FGD6: variants seen among roughly 807,000 people sequenced by gnomAD.
FGD6 encodes the protein FYVE, RhoGEF and PH domain-containing protein 6.
A neutral mutation model predicts 149.4 loss-of-function variants in FGD6; 90 were observed. The observed-to-expected ratio is 0.60, with a 90% CI of 0.51 to 0.72. FGD6 has a LOEUF of 0.72. FGD6 is among the 30% of genes least tolerant of loss of function. The pLI is 0.00. For missense variants in FGD6, 1,437 were observed against 1,684.8 expected (o/e 0.85, Z 2.57); for synonymous variants, 527 against 584.0 (o/e 0.90, Z 1.41).
At chr12:95,101,027 T>C in intron 14 of FGD6, 1 of 313,764 alleles carries the variant, frequency 3.2e-6, no homozygotes, top group Non-Finnish European at 6.2e-6. Context: ...CCACCTTGAT[T>C]GATAAGAAGA....
intron 8 of FGD6, chr12:95,125,981 AC>A: frequency 7.2e-7 from 1 of 1,395,636 alleles, no homozygotes; most frequent in Non-Finnish European, 1.0e-6. Flanking sequence ...AGTATGTCCC[AC>A]AAGCCTGGCA....
intron 5 of FGD6, among the ~76,000 whole-genome samples, chr12:95,150,636 G>C (rs1880283649): frequency 6.6e-6 from 1 of 151,528 alleles, no homozygotes; most frequent in Non-Finnish European, 1.5e-5. Context: ...TTTGGAAAAA[G>C]GGTTTGCTGT....
chr12:95,152,743 T>G, intron 5 of FGD6, 68 bp downstream of exon 5: 1 of 1,436,092 alleles, frequency 7.0e-7, no homozygotes, highest in African/African-American at 1.4e-5. Context: ...TGCTGAAAAC[T>G]TCTAGGGGTA....
At chr12:95,203,697 G>A (rs768993190) in intron 2 of FGD6, among the ~76,000 whole-genome samples, 2 of 152,104 alleles carry the variant, frequency 1.3e-5, no homozygotes, top group African/African-American at 2.4e-5. Flanking sequence ...TAAATAAATC[G>A]AGGGTTTGCT....
chr12:95,116,303 T>C (rs1042119672), intron 8 of FGD6, among the ~76,000 whole-genome samples: 2 of 152,214 alleles, frequency 1.3e-5, no homozygotes, highest in Admixed American at 6.5e-5. Context: ...AACCCTAAGC[T>C]ACCTCATTAA....
intron 8 of FGD6, among the ~76,000 whole-genome samples, chr12:95,132,371 T>C (rs1879546812): frequency 6.6e-6 from 1 of 152,156 alleles, no homozygotes; most frequent in East Asian, 1.9e-4. Flanking sequence ...TTTCACACTT[T>C]CTCAATAAAA....
At chr12:95,133,563 C>T (rs568557764) in intron 8 of FGD6, among the ~76,000 whole-genome samples, 1 of 152,300 alleles carries the variant, frequency 6.6e-6, no homozygotes, top group Non-Finnish European at 1.5e-5. Context: ...AGAAGAAAAG[C>T]ATGGACACCA....
rs769721743 is a variant in FGD6 at position 95,091,741 on chromosome 12, T to C, written c.3816A>G (p.Val1272=). The change falls in exon 17 of 21, where the codon GTA becomes GTG. Residue 1272 remains valine, a synonymous_variant. Coordinates refer to ENST00000343958, the MANE Select transcript of FGD6 (RefSeq NM_018351.4). ...LDYLKNQPAR[V]CEHCFQELQK... is the part of the protein sequence containing the mutation. ...GCAGTTCTTGGAAACAATGTTCACA[T>C]ACTCTTGCTGGTTGATTTTTCAGGT... The C allele has an allele frequency of 3.1e-6, 5 of 1,613,550 alleles. No homozygotes were observed. The African/African-American group carries it at 5.3e-5, about 17-fold the overall frequency.
intron 6 of FGD6, 23 bp from the exon 7 acceptor site, chr12:95,137,701 C>T (rs1406909669): frequency 6.6e-7 from 1 of 1,512,104 alleles, no homozygotes; most frequent in Admixed American, 2.2e-5. Context: ...AAGAGATACA[C>T]AAAAAAATAT....
chr12:95,184,305 T>A (rs1013715934), intron 2 of FGD6, among the ~76,000 whole-genome samples: 1 of 152,156 alleles, frequency 6.6e-6, no homozygotes, highest in Non-Finnish European at 1.5e-5. Flanking sequence ...AAAGGCTTCT[T>A]GGGAGCCCAT....
At position 95,157,304 on chromosome 12, in the gene FGD6, C is replaced by T. The variant is rs151061151; in HGVS notation, c.2587-4311G>A. Among the ~76,000 whole-genome samples the T allele has an allele frequency of 2.4e-3, 369 of 152,256 alleles. 1 individual carries two copies. Among genetic ancestry groups the T allele is most frequent in the African/African-American group, 7.2e-3 (301 of 41,552 alleles). On this transcript the variant is annotated intron_variant, in intron 3 of 20. Coordinates refer to ENST00000343958, the MANE Select transcript of FGD6 (RefSeq NM_018351.4). ...ATACTGGGCTGGGTGCGGTGGCTGA[C>T]GCCTGTAATCCCAGCACTTTGGGAG...
intron 3 of FGD6, among the ~76,000 whole-genome samples, chr12:95,167,424 G>A (rs779034615): frequency 4.2e-4 from 64 of 152,056 alleles, no homozygotes; most frequent in Admixed American, 3.8e-3. Context: ...TACCCTAGTG[G>A]GTGTGCAGTG....
chr12:95,198,496 G>A (rs7309426), intron 2 of FGD6, among the ~76,000 whole-genome samples: 37,128 of 151,996 alleles, frequency 0.24, 5,053 homozygotes, highest in African/African-American at 0.36. Flanking sequence ...CTGGATTGCA[G>A]TGGCGCTATC....
intron 2 of FGD6, among the ~76,000 whole-genome samples, chr12:95,199,918 T>G (rs898224684): frequency 3.3e-5 from 5 of 152,200 alleles, no homozygotes; most frequent in Non-Finnish European, 7.3e-5. Context: ...CCTTTCTTCT[T>G]GGGACTGTGG....
intron 2 of FGD6, among the ~76,000 whole-genome samples, chr12:95,173,034 C>T (rs897257117): frequency 7.2e-5 from 11 of 152,190 alleles, no homozygotes; most frequent in African/African-American, 2.7e-4. Flanking sequence ...AAGATCAGGT[C>T]TCTACTCCTA....
At chr12:95,180,181 A>G (rs1053346562) in intron 2 of FGD6, among the ~76,000 whole-genome samples, 9 of 152,068 alleles carry the variant, frequency 5.9e-5, no homozygotes, top group African/African-American at 1.9e-4. Flanking sequence ...GTGTGCTCCT[A>G]TTTGTGTAGA....
intron 14 of FGD6, chr12:95,100,552 C>T (rs1001552717): frequency 7.7e-5 from 24 of 313,114 alleles, no homozygotes; most frequent in African/African-American, 7.7e-5. Flanking sequence ...GGAGGCTAAT[C>T]GCACTGTTGG....
At chr12:95,149,258 T>TTATATAATATTA (rs1380028133) in intron 5 of FGD6, among the ~76,000 whole-genome samples, 4 of 30,448 alleles carry the variant, frequency 1.3e-4, no homozygotes, top group Non-Finnish European at 2.0e-4. Context: ...AGCATATATA[T>TTATATAATATTA]TATATATTAT....
rs573737754 is a variant in FGD6, at chr12:95,136,061, T to G, written c.2995-1235A>C. On this transcript the variant is annotated intron_variant, in intron 7 of 20. Coordinates refer to ENST00000343958, the MANE Select transcript of FGD6 (RefSeq NM_018351.4). Reference sequence around the variant, plus strand: ...AGAAATCAGCAATACCATACTATTTTAAAAACTTTTCATTTTGGTTGGGTG... The same window carrying G: ...AGAAATCAGCAATACCATACTATTTGAAAAACTTTTCATTTTGGTTGGGTG... Among the ~76,000 whole-genome samples, 3 of 152,298 alleles carry G rather than the reference T, an allele frequency of 2.0e-5. No homozygotes were observed. The East Asian group carries it at 5.8e-4, about 29-fold the overall frequency.
Sources: gnomAD v4.1 joint callset for allele counts (sites outside exome capture counted in the v4.1 genomes callset) on GRCh38, gnomAD v4.1.1 for gene constraint, MANE v1.5 for transcripts, NCBI Gene and HGNC (gene_info 2026-07-23, HGNC 2026-07-21) for gene names.